Variants in FABP6 observed in about 807,000 individuals in gnomAD.
FABP6 encodes fatty acid binding protein 6.
Under a neutral mutation model 14.9 loss-of-function variants are expected in FABP6, and 13 were observed. That is an observed-to-expected ratio of 0.87 (90% CI 0.57 to 1.39). FABP6 has a LOEUF of 1.39. Ranked by LOEUF, FABP6 falls within the 40% of genes most tolerant of loss-of-function variation. The pLI is 0.00. For synonymous variants in FABP6, 75 were observed against 63.6 expected, an observed-to-expected ratio of 1.18 and a Z score of -0.85; for missense variants, 161 against 167.2, an observed-to-expected ratio of 0.96 and a Z score of 0.20.
intron 2 of FABP6, among the ~76,000 whole-genome samples, chr5:160,201,507 C>T (rs934659939): frequency 2.6e-4 from 40 of 152,122 alleles, no homozygotes; most frequent in African/African-American, 9.4e-4. Flanking sequence ...GAATGTATTA[C>T]CTATTTAAAA....
At chr5:160,211,186 C>T (rs1407058426) in intron 2 of FABP6, among the ~76,000 whole-genome samples, 2 of 152,116 alleles carry the variant, frequency 1.3e-5, no homozygotes, top group Non-Finnish European at 2.9e-5. Flanking sequence ...GCCCAGTATC[C>T]TTTCCCCCTT....
At chr5:160,222,321 T>G (rs1475101925) in intron 3 of FABP6, among the ~76,000 whole-genome samples, 1 of 152,054 alleles carries the variant, frequency 6.6e-6, no homozygotes, top group East Asian at 1.9e-4. Flanking sequence ...TCCTACATTT[T>G]CTTTTCTTCT....
At chr5:160,237,708 C>A (rs915399616) in intron 3 of FABP6, among the ~76,000 whole-genome samples, 1 of 152,082 alleles carries the variant, frequency 6.6e-6, no homozygotes, top group South Asian at 2.1e-4. Context: ...CAAACTCCTC[C>A]GCTTGACCTT....
rs1026376815 is a variant in FABP6, at chr5:160,229,591, G to A, written c.34G>A (p.Glu12Lys). The change falls in exon 1 of 4, where the codon GAG becomes AAG. Residue 12 changes from glutamate to lysine, a missense_variant. Coordinates refer to ENST00000402432, the MANE Select transcript of FABP6 (RefSeq NM_001445.3). ...CACCGGCAAGTTCGAGATGGAGAGT[G>A]AGAAGAATTATGATGAGTTCATGAA... is the stretch of plus-strand genomic sequence containing the variant. ...AFTGKFEMES[E>K]KNYDEFMKLL... 2.5e-5 allele frequency: 40 copies of A among 1,614,042 alleles called. No individual in the cohort carries two copies. Among genetic ancestry groups the A allele is most frequent in the Non-Finnish European group, 3.4e-5 (40 of 1,179,966 alleles).
upstream of FABP6, among the ~76,000 whole-genome samples, chr5:160,224,656 T>C (rs9313840): frequency 0.41 from 62,246 of 151,860 alleles, 12,927 homozygotes; most frequent in East Asian, 0.56. Context: ...AGGCTGGGTG[T>C]GGTGGCTCAC....
Position 160,234,827 on chromosome 5 carries a change from T to C in FABP6, c.251T>C (p.Val84Ala). The C allele has an allele frequency of 6.2e-7, 1 of 1,610,358 alleles. No homozygotes were observed. The highest frequency in any genetic ancestry group is 1.3e-5 in the African/African-American group (1 of 74,980). The part of the protein sequence containing the change: ...TMGGKTFKAT[V>A]QMEGGKLVVN... ...GTTGTGCTTCCATTCCAGGCCACTG[T>C]GCAGATGGAGGGCGGGAAGCTGGTG... Residue 84 changes from valine (V) to alanine (A), a missense_variant, in exon 3 of 4, where the codon GTG (valine) becomes GCG (alanine). Physicochemically the swap from Val to Ala is moderately conservative, Grantham distance 64. Transcript: ENST00000402432.
At chr5:160,190,454 A>G (rs1759372774) in intron 1 of FABP6, among the ~76,000 whole-genome samples, 1 of 151,588 alleles carries the variant, frequency 6.6e-6, no homozygotes, top group Non-Finnish European at 1.5e-5. Context: ...CTGGTCTCGA[A>G]CTCCCGACCT....
chr5:160,199,443 G>GGGCAGCC (rs1256794058), intron 2 of FABP6, among the ~76,000 whole-genome samples: 1 of 152,140 alleles, frequency 6.6e-6, no homozygotes, highest in Non-Finnish European at 1.5e-5. Context: ...GTGGGGACCG[G>GGGCAGCC]GGCAGCCCCC....
intron 2 of FABP6, among the ~76,000 whole-genome samples, chr5:160,208,967 G>A (rs1192377485): frequency 1.3e-5 from 2 of 151,688 alleles, no homozygotes; most frequent in African/African-American, 2.4e-5. Flanking sequence ...TGGTAGGGAC[G>A]GGGTTTCACC....
At chr5:160,223,667 T>A (rs1304054588) in intron 3 of FABP6, among the ~76,000 whole-genome samples, 1 of 151,452 alleles carries the variant, frequency 6.6e-6, no homozygotes, top group East Asian at 2.0e-4. Flanking sequence ...GCCCAAGCGA[T>A]CTTTCCGCCT....
chr5:160,205,960 T>C (rs1759756478), intron 2 of FABP6, among the ~76,000 whole-genome samples: 1 of 151,802 alleles, frequency 6.6e-6, no homozygotes, highest in South Asian at 2.1e-4. Flanking sequence ...CTCTTTTCTT[T>C]TTTCTTTTCT....
chr5:160,238,340 C>T (rs151231311), intron 3 of FABP6, among the ~76,000 whole-genome samples: 1 of 152,306 alleles, frequency 6.6e-6, no homozygotes, highest in Non-Finnish European at 1.5e-5. Context: ...TGCAGGGTAA[C>T]AGCCTGACAT....
At position 160,210,368 on chromosome 5, in the gene FABP6, A is replaced by G. The variant is rs1020235428; in HGVS notation, c.52-3368A>G. Among the ~76,000 whole-genome samples the G allele has an allele frequency of 7.2e-5, 11 of 152,298 alleles. No homozygotes were observed. The East Asian group carries it at 7.7e-4, about 11-fold the overall frequency. On this transcript the variant is annotated intron_variant, in intron 2 of 6. Coordinates refer to the FABP6 transcript ENST00000393980. Reference sequence around the variant, plus strand: ...CTGTGATCATCAGATGAGATAACCTATCAGTGACTGCTCTCTGAACTGTGG... The same window carrying G: ...CTGTGATCATCAGATGAGATAACCTGTCAGTGACTGCTCTCTGAACTGTGG...
intron 1 of FABP6, among the ~76,000 whole-genome samples, chr5:160,193,098 G>T (rs574520768): frequency 6.6e-6 from 1 of 152,216 alleles, no homozygotes; most frequent in Non-Finnish European, 1.5e-5. Flanking sequence ...ATGAAGCCAC[G>T]GACCCTTGCG....
intron 2 of FABP6, among the ~76,000 whole-genome samples, chr5:160,233,853 C>G (rs971397946): frequency 4.7e-5 from 7 of 148,732 alleles, no homozygotes; most frequent in Admixed American, 1.4e-4. Context: ...GCCTGGGCAA[C>G]AGGGCGAGGC....
At chr5:160,215,343 G>T (rs528541207) in intron 3 of FABP6, among the ~76,000 whole-genome samples, 1 of 152,032 alleles carries the variant, frequency 6.6e-6, no homozygotes, top group African/African-American at 2.4e-5. Flanking sequence ...GTGAAACCCC[G>T]TCTTTACTAA....
At chr5:160,233,992 T>C (rs1760451428) in intron 2 of FABP6, among the ~76,000 whole-genome samples, 1 of 152,112 alleles carries the variant, frequency 6.6e-6, no homozygotes, top group Admixed American at 6.6e-5. Context: ...GCTATTTGCC[T>C]CTATCATTAG....
At chr5:160,213,552 T>C (rs1759938051) in intron 2 of FABP6, among the ~76,000 whole-genome samples, 1 of 152,218 alleles carries the variant, frequency 6.6e-6, no homozygotes, top group Admixed American at 6.5e-5. Context: ...TTTCCAAGCC[T>C]GAAAAGTCTG....
At chr5:160,228,221 G>A (rs571557105), upstream of FABP6, among the ~76,000 whole-genome samples, 42 of 151,980 alleles carry the variant, frequency 2.8e-4, no homozygotes, top group African/African-American at 8.4e-4. Flanking sequence ...GAGAAACCCC[G>A]TCTCTACTAA....
Sources: allele counts gnomAD v4.1 joint callset (sites outside exome capture counted in the v4.1 genomes callset), GRCh38; gene constraint gnomAD v4.1.1; transcripts MANE v1.5; gene names NCBI Gene and HGNC (gene_info 2026-07-23, HGNC 2026-07-21).